Variants in P3H1 observed in about 807,000 individuals in gnomAD.
P3H1 encodes the protein prolyl 3-hydroxylase 1.
P3H1 carries 69 observed loss-of-function variants against 84.0 expected under a neutral mutation model. The observed-to-expected ratio is 0.82, with a 90% confidence interval of 0.68 to 1.00. The LOEUF (loss-of-function observed/expected upper bound fraction) is 1.00. P3H1 is among the 50% of genes least tolerant of loss of function. P3H1 has a pLI of 0.00. For missense variants in P3H1, 878 were observed against 962.8 expected (o/e 0.91, Z 1.17); for synonymous variants, 366 against 388.8 (o/e 0.94, Z 0.69).
At chr1:42,757,445 A>G (rs542359095) in intron 5 of P3H1, among the ~76,000 whole-genome samples, 1 of 152,358 alleles carries the variant, frequency 6.6e-6, no homozygotes, top group Admixed American at 6.5e-5. Flanking sequence ...GTATTAAGTG[A>G]AAAATGATAG....
intron 14 of P3H1, 154 bp from the exon 15 acceptor site, chr1:42,747,006 G>T: frequency 6.2e-7 from 1 of 1,614,180 alleles, no homozygotes; most frequent in Non-Finnish European, 8.5e-7. Flanking sequence ...AAGGACAGCT[G>T]AAGTGGGGCC....
intron 13 of P3H1, 87 bp from the exon 14 acceptor site, chr1:42,747,499 G>A (rs183809721): frequency 3.8e-5 from 52 of 1,351,878 alleles, no homozygotes; most frequent in African/African-American, 3.6e-4. Context: ...TAGGGCTCAC[G>A]ACCGAGGGCA....
At chr1:42,765,857 C>G (rs1652957804) in intron 1 of P3H1, among the ~76,000 whole-genome samples, 1 of 152,026 alleles carries the variant, frequency 6.6e-6, no homozygotes, top group Admixed American at 6.6e-5. Context: ...GAAGTATGTG[C>G]TGGCTATCAT....
Position 42,746,825 on chromosome 1 carries a change from T to C in P3H1, c.2083A>G (p.Lys695Glu), listed in dbSNP as rs761280354. Residue 695 changes from lysine (K) to glutamate (E), a missense_variant, in exon 15 of 15, where the codon AAG (lysine) becomes GAG (glutamate). Physicochemically the swap from Lys to Glu is moderately conservative, Grantham distance 56 (BLOSUM62 1). Coordinates refer to ENST00000296388, the MANE Select transcript of P3H1 (RefSeq NM_022356.4). ...ATCTCTTCTGGGCTGAAGAGCATCT[T>C]CACCAGGTCATCTGCCTGCACCCTG... ...RDRVQADDLV[K>E]MLFSPEEMDL... 1 of 1,611,308 alleles carries C rather than the reference T, an allele frequency of 6.2e-7. No homozygotes were observed. The highest frequency in any genetic ancestry group is 1.1e-5 in the South Asian group (1 of 90,534).
chr1:42,765,659 G>T (rs987008840), intron 1 of P3H1, among the ~76,000 whole-genome samples: 1 of 152,176 alleles, frequency 6.6e-6, no homozygotes, highest in Non-Finnish European at 1.5e-5. Flanking sequence ...AGGTCCCCAA[G>T]AGTCTCTAAG....
At chr1:42,751,779 C>T (rs1292695623) in intron 10 of P3H1, 1 of 192,150 alleles carries the variant, frequency 5.2e-6, no homozygotes, top group South Asian at 1.1e-4. Flanking sequence ...TGTAAATTGC[C>T]CAGTCTCGGG....
Position 42,752,662 on chromosome 1 carries a change from C to T in P3H1, c.1348G>A (p.Gly450Ser). 1 of 1,614,178 alleles carries T rather than the reference C, an allele frequency of 6.2e-7. No homozygotes were observed. The highest frequency in any genetic ancestry group is 8.5e-7 in the Non-Finnish European group (1 of 1,180,044). ...CTGATGCCTTCATACAGCAGGGGGC[C>T]ACCTGCAAAGCAATGACAAAACTCT... is the stretch of plus-strand genomic sequence containing the variant. ...LDVSRLTREG[G>S]PLLYEGISLT... The change falls in exon 9 of 15, where the codon GGC (glycine) becomes AGC (serine). Residue 450 changes from glycine to serine, a missense_variant and splice_region_variant. Physicochemically the swap from Gly to Ser is moderately conservative, Grantham distance 56. Coordinates refer to ENST00000296388, the MANE Select transcript of P3H1 (RefSeq NM_022356.4).
chr1:42,752,562 C>T lies in P3H1; in HGVS notation c.1448G>A (p.Cys483Tyr), dbSNP rs746369830. The change falls in exon 9 of 15, where the codon TGT (cysteine) becomes TAT (tyrosine). Residue 483 changes from cysteine to tyrosine, a missense_variant. Physicochemically the swap from Cys to Tyr is radical, Grantham distance 194 (BLOSUM62 -2). Transcript: ENST00000296388. ...ATTGGTCAGTCTCTGCAGCTCCTGACACTCGTGGTCAGAGATTACGCCGTC... is the reference window on the plus strand; with the variant it reads ...ATTGGTCAGTCTCTGCAGCTCCTGATACTCGTGGTCAGAGATTACGCCGTC... ...VMDGVISDHE[C>Y]QELQRLTNVA... 6.2e-7 allele frequency: 1 copy of T among 1,614,168 alleles called. No individual in the cohort carries two copies. Among genetic ancestry groups the T allele is most frequent in the Non-Finnish European group, 8.5e-7 (1 of 1,180,026 alleles).
At chr1:42,752,475 G>C in intron 9 of P3H1, 62 bp downstream of exon 9, 1 of 1,613,020 alleles carries the variant, frequency 6.2e-7, no homozygotes, top group South Asian at 1.1e-5. Flanking sequence ...ACCACCCAAG[G>C]GGCACTTGGT....
intron 4 of P3H1, among the ~76,000 whole-genome samples, chr1:42,758,404 G>T (rs1038155298): frequency 6.6e-6 from 1 of 152,054 alleles, no homozygotes; most frequent in Admixed American, 6.6e-5. Flanking sequence ...TGTAAATATT[G>T]TACACTCATC....
chr1:42,761,414 G>T (rs1652712435), intron 2 of P3H1: 1 of 152,168 alleles, frequency 6.6e-6, no homozygotes, highest in Non-Finnish European at 1.5e-5. Flanking sequence ...TGAGAACATT[G>T]AAGGATACTG....
rs185795531 is a variant in P3H1 at position 42,754,748 on chromosome 1, A to C, written c.1345+121T>G. On this transcript the variant is annotated intron_variant, in intron 8 of 14. Transcript: ENST00000296388. The surrounding 1 kb of genome is among the most constrained non-coding windows in gnomAD (Gnocchi z 4.0). Reference sequence around the variant, plus strand: ...AGGATGTCCACTGAACTTGCACCCTAAGGGTGGCTGGCTCATGGTGAGCTC... The same window carrying C: ...AGGATGTCCACTGAACTTGCACCCTCAGGGTGGCTGGCTCATGGTGAGCTC... The C allele has an allele frequency of 7.5e-7, 1 of 1,328,364 alleles. No homozygotes were observed. The highest frequency in any genetic ancestry group is 2.4e-5 in the East Asian group (1 of 42,064). The allele number at this position is 1,328,364 out of a possible 1,614,324, so 82.3% of individuals were successfully genotyped here.
chr1:42,755,090 C>T, intron 7 of P3H1, 75 bp downstream of exon 7: 1 of 1,613,118 alleles, frequency 6.2e-7, no homozygotes, highest in Non-Finnish European at 8.5e-7. Flanking sequence ...CAGGAGTTCA[C>T]ATCTGCCTGG....
chr1:42,767,004 C>T lies in P3H1; in HGVS notation c.-33G>A. On this transcript the variant is annotated 5_prime_UTR_variant, in exon 1 of 15. The change creates a new upstream start codon in the 5' untranslated region. Coordinates refer to ENST00000296388, the MANE Select transcript of P3H1 (RefSeq NM_022356.4). ...TCAGACCTAACGGAACCGCCAGCCA[C>T]CCGCCACCAAGGCCGGAGTCCTACC... 6.3e-7 allele frequency: 1 copy of T among 1,599,240 alleles called. No homozygotes were observed. Among genetic ancestry groups the T allele is most frequent in the Non-Finnish European group, 8.5e-7 (1 of 1,177,624 alleles).
At position 42,757,804 on chromosome 1, in the gene P3H1, G is replaced by C. The variant is rs1214572284; in HGVS notation, c.1059C>G (p.Thr353=). Residue 353 remains threonine, a synonymous_variant, in exon 5 of 15, where the codon ACC becomes ACG. Coordinates refer to ENST00000296388, the MANE Select transcript of P3H1 (RefSeq NM_022356.4). ...TCACCTCACGGGGGCCGATGGATCTGGTGTGTTCTTCTCCAAGCATAGCTG... is the reference window on the plus strand; with the variant it reads ...TCACCTCACGGGGGCCGATGGATCTCGTGTGTTCTTCTCCAAGCATAGCTG... ...YYAAMLGEEH[T]RSIGPRESAK... 3 of 1,614,098 alleles carry C rather than the reference G, an allele frequency of 1.9e-6. No individual in the cohort carries two copies. The highest frequency in any genetic ancestry group is 1.3e-5 in the African/African-American group (1 of 74,928).
intron 1 of P3H1, among the ~76,000 whole-genome samples, chr1:42,763,716 A>T (rs998882493): frequency 1.4e-5 from 2 of 140,842 alleles, no homozygotes; most frequent in Admixed American, 1.4e-4. Context: ...CCAAGGGGGG[A>T]GAAATAGGCT....
chr1:42,757,937 G>A lies in P3H1; in HGVS notation c.941-15C>T. 1.2e-6 allele frequency: 2 copies of A among 1,611,610 alleles called. No individual in the cohort carries two copies. The highest frequency in any genetic ancestry group is 1.7e-6 in the Non-Finnish European group (2 of 1,177,674). On this transcript the variant is annotated splice_polypyrimidine_tract_variant and intron_variant, in intron 4 of 14. Transcript: ENST00000296388. ...ATAATTCCCAACTGCAAAGTGGAAA[G>A]AAGAATGGCTGAGAGGAAAGAGTCA...
In P3H1 at chr1:42,755,564, A is replaced by T. The variant is rs761299216; in HGVS notation, c.1154T>A (p.Ile385Asn). The T allele has an allele frequency of 6.2e-7, 1 of 1,613,968 alleles. No homozygotes were observed. Among genetic ancestry groups the T allele is most frequent in the East Asian group, 2.2e-5 (1 of 44,882 alleles). ...LLFFAYDVFGIPFVDPDSWTP... is the reference protein window; with the variant it reads ...LLFFAYDVFGNPFVDPDSWTP... ...CTAGCTCACCGGATCCACAAAGGGA[A>T]TTCCAAAAACATCATAAGCGAAGAA... The change falls in exon 6 of 15, where the codon ATT (isoleucine) becomes AAT (asparagine). Residue 385 changes from isoleucine to asparagine, a missense_variant. Transcript: ENST00000296388.
intron 6 of P3H1, 33 bp downstream of exon 6, chr1:42,755,515 C>T: frequency 1.9e-6 from 3 of 1,551,952 alleles, no homozygotes; most frequent in Non-Finnish European, 1.8e-6. Flanking sequence ...CACTCTTTCC[C>T]CGCTCCCTTC....
Sources: gnomAD v4.1 joint callset for allele counts (sites outside exome capture counted in the v4.1 genomes callset) on GRCh38, gnomAD v4.1.1 for gene constraint, Gnocchi (gnomAD v3.1) non-coding constraint, MANE v1.5 for transcripts, NCBI Gene and HGNC (gene_info 2026-07-23, HGNC 2026-07-21) for gene names.